Variants in PTPA observed in about 807,000 individuals in gnomAD.
The protein encoded by PTPA is protein phosphatase 2 phosphatase activator.
PTPA carries 13 observed loss-of-function variants against 43.6 expected under a neutral mutation model. That is an observed-to-expected ratio of 0.30 (90% CI 0.19 to 0.47). PTPA has a LOEUF of 0.47. PTPA is among the 20% of genes least tolerant of loss of function. The pLI is 0.99. For synonymous variants in PTPA, 172 were observed against 158.2 expected (o/e 1.09, Z -0.66); for missense variants, 329 against 411.9 (o/e 0.80, Z 1.74).
chr9:129,120,663 TC>T, intron 2 of PTPA, 53 bp downstream of exon 2: 1 of 1,507,876 alleles, frequency 6.6e-7, no homozygotes, highest in Non-Finnish European at 9.2e-7. Context: ...ACAGTGGTTT[TC>T]CTAGCATGAC....
At chr9:129,111,001 CCT>C, upstream of PTPA, 1 of 1,371,152 alleles carries the variant, frequency 7.3e-7, no homozygotes, top group Non-Finnish European at 9.8e-7. Flanking sequence ...CTGTCTCTCC[CCT>C]GTCCCCACAT....
intron 9 of PTPA, among the ~76,000 whole-genome samples, chr9:129,143,949 A>G (rs1006391700): frequency 2.6e-5 from 4 of 151,534 alleles, no homozygotes; most frequent in Admixed American, 6.6e-5. Flanking sequence ...AGAGGTGCAC[A>G]TCGCCCACCA....
chr9:129,118,456 C>G (rs1362894894), intron 1 of PTPA, among the ~76,000 whole-genome samples: 1 of 152,140 alleles, frequency 6.6e-6, no homozygotes, highest in East Asian at 1.9e-4. Context: ...CTCACTGCAA[C>G]CTCTGCCTCC....
chr9:129,126,731 G>T (rs573511568), intron 3 of PTPA, among the ~76,000 whole-genome samples: 2 of 152,230 alleles, frequency 1.3e-5, no homozygotes, highest in South Asian at 4.1e-4. Flanking sequence ...TTTGTGCCTC[G>T]AAGGTGTTTC....
At chr9:129,145,319 A>G (rs563770342) in intron 9 of PTPA, among the ~76,000 whole-genome samples, 1 of 149,910 alleles carries the variant, frequency 6.7e-6, no homozygotes, top group South Asian at 2.1e-4. Context: ...CAACAGCGAG[A>G]CTCCATCTCA....
At chr9:129,116,388 T>TC (rs1206280419) in intron 1 of PTPA, among the ~76,000 whole-genome samples, 4 of 144,746 alleles carry the variant, frequency 2.8e-5, no homozygotes, top group Admixed American at 6.8e-5. Flanking sequence ...GGGTTTCTTT[T>TC]TTTTTTTTTT....
chr9:129,128,664 A>G (rs980580525), intron 3 of PTPA, among the ~76,000 whole-genome samples: 1 of 152,146 alleles, frequency 6.6e-6, no homozygotes, highest in African/African-American at 2.4e-5. Flanking sequence ...AGGCTTCCAT[A>G]AAGTCTTTTT....
chr9:129,142,588 G>T (rs998481493), intron 9 of PTPA, 36 bp downstream of exon 9: 1 of 1,612,642 alleles, frequency 6.2e-7, no homozygotes, highest in South Asian at 1.1e-5. Flanking sequence ...CGTCCCTGCT[G>T]CCGCACTTGG....
intron 1 of PTPA, chr9:129,111,907 C>G (rs1472174770): frequency 2.7e-6 from 2 of 752,356 alleles, no homozygotes; most frequent in African/African-American, 3.7e-5. Context: ...TGGGCAGCGC[C>G]GTGGTCATAA....
intron 7 of PTPA, among the ~76,000 whole-genome samples, chr9:129,137,355 T>G (rs1339471791): frequency 6.6e-6 from 1 of 152,248 alleles, no homozygotes; most frequent in Admixed American, 6.5e-5. Context: ...TTGTCCCCAG[T>G]GTCCAGGTGA....
chr9:129,124,917 A>G (rs1159066607), intron 3 of PTPA, among the ~76,000 whole-genome samples: 1 of 152,176 alleles, frequency 6.6e-6, no homozygotes, highest in African/African-American at 2.4e-5. Context: ...CTGTCTGGCT[A>G]TTAGGTGACC....
At chr9:129,131,071 T>C (rs1849931712) in intron 4 of PTPA, among the ~76,000 whole-genome samples, 1 of 148,948 alleles carries the variant, frequency 6.7e-6, no homozygotes, top group Non-Finnish European at 1.5e-5. Context: ...GACATTTCCA[T>C]TGCATTTCCA....
chr9:129,141,278 T>C (rs1372144730), intron 8 of PTPA, among the ~76,000 whole-genome samples: 1 of 152,152 alleles, frequency 6.6e-6, no homozygotes, highest in Non-Finnish European at 1.5e-5. Context: ...AGGGCTCTTG[T>C]GGTGAACTGA....
At chr9:129,142,220 G>T in intron 8 of PTPA, 1 of 439,836 alleles carries the variant, frequency 2.3e-6, no homozygotes, top group South Asian at 6.2e-5. Flanking sequence ...CAGGCCTTGA[G>T]GGCCAAAGGG....
chr9:129,119,603 T>G (rs1046780626), intron 1 of PTPA: 8 of 151,940 alleles, frequency 5.3e-5, no homozygotes, highest in African/African-American at 1.9e-4. Context: ...AGAGATGGGA[T>G]TTCACCATGT....
At chr9:129,124,065 T>C (rs1228626926) in intron 3 of PTPA, among the ~76,000 whole-genome samples, 1 of 152,218 alleles carries the variant, frequency 6.6e-6, no homozygotes, top group Non-Finnish European at 1.5e-5. Flanking sequence ...TAGACATGTG[T>C]ATGACATTCA....
intron 3 of PTPA, among the ~76,000 whole-genome samples, chr9:129,125,101 G>T (rs1407387863): frequency 1.3e-5 from 2 of 152,176 alleles, no homozygotes; most frequent in Non-Finnish European, 2.9e-5. Context: ...TCCTCCTGGA[G>T]CCTGTGGTGA....
intron 9 of PTPA, 107 bp from the exon 10 acceptor site, chr9:129,147,280 A>G (rs1707408496): frequency 8.9e-7 from 1 of 1,119,542 alleles, no homozygotes. Flanking sequence ...TGGCGGGGCT[A>G]CTTCCTGGGC....
At chr9:129,130,180 G>C (rs1269614663) in intron 4 of PTPA, among the ~76,000 whole-genome samples, 1 of 152,184 alleles carries the variant, frequency 6.6e-6, no homozygotes, top group Non-Finnish European at 1.5e-5. Flanking sequence ...ACCCTGTCTA[G>C]AAAAGCAGAG....
Sources: allele counts gnomAD v4.1 joint callset (sites outside exome capture counted in the v4.1 genomes callset), GRCh38; gene constraint gnomAD v4.1.1; transcripts MANE v1.5; gene names NCBI Gene and HGNC (gene_info 2026-07-23, HGNC 2026-07-21).